SLC9A3: variants seen among roughly 807,000 people sequenced by gnomAD.
The protein encoded by SLC9A3 is sodium/hydrogen exchanger 3.
In SLC9A3, 37 loss-of-function variants were observed where a neutral mutation model predicts 86.8. The ratio of observed to expected loss-of-function variants is 0.43; its 90% CI spans 0.33 to 0.56. The LOEUF is 0.56. Among genes scored for constraint, SLC9A3 ranks in the 20% least tolerant of loss-of-function variants. The pLI is 0.06. For synonymous variants in SLC9A3, 581 were observed against 528.3 expected (o/e 1.10, Z -1.37); for missense variants, 1,011 against 1,171.9 (o/e 0.86, Z 2.00).
chr5:485,285 C>G, intron 3 of SLC9A3, 54 bp from the exon 4 acceptor site: 1 of 1,454,426 alleles, frequency 6.9e-7, no homozygotes, highest in Non-Finnish European at 9.7e-7. Context: ...GCCACCCCCT[C>G]TCCGGGGCCC....
intron 3 of SLC9A3, among the ~76,000 whole-genome samples, chr5:486,364 C>A (rs796318168): frequency 5.8e-4 from 88 of 152,354 alleles, no homozygotes; most frequent in African/African-American, 1.9e-3. Context: ...CCATGACTCA[C>A]TTCCGGGAGG....
intron 1 of SLC9A3, among the ~76,000 whole-genome samples, chr5:502,008 A>T (rs1560967630): frequency 6.6e-6 from 1 of 152,212 alleles, no homozygotes; most frequent in East Asian, 1.9e-4. Context: ...CAAGAACAAC[A>T]GCCCGTTCAG....
rs1443895257 is a variant in SLC9A3 at position 479,940 on chromosome 5, G to A, written c.1543C>T (p.Leu515Phe). The A allele has an allele frequency of 1.2e-6, 2 of 1,613,800 alleles. No individual in the cohort carries two copies. The highest frequency in any genetic ancestry group is 2.7e-5 in the African/African-American group (2 of 74,940). ...GACCGTCTCATGAGGACCCTGCTGA[G>A]GAACTTCCTGTCGAAGTGGGACCAC... The part of the protein sequence containing the change: ...DKWSHFDRKF[L>F]SRVLMRRSAQ... The change falls in exon 10 of 17, where the codon CTC becomes TTC. Residue 515 changes from leucine (L) to phenylalanine (F), a missense_variant. This residue lies in a region of SLC9A3 where 565 missense variants were observed against 790.0 expected (regional missense o/e 0.72). Coordinates refer to ENST00000264938, the MANE Select transcript of SLC9A3 (RefSeq NM_004174.4).
Position 497,783 on chromosome 5 carries a change from C to T in SLC9A3, c.212-5712G>A, listed in dbSNP as rs141941999. Among the ~76,000 whole-genome samples the T allele has an allele frequency of 0.02, 1,173 of 58,196 alleles. 6 individuals carry two copies. The highest frequency in any genetic ancestry group is 0.04 in the South Asian group (35 of 886). The allele number at this position is 58,196 out of a possible 152,430, so 38.2% of individuals were successfully genotyped here. A position where few individuals can be genotyped will look rare whatever the true frequency, so the allele number is the denominator to read the frequency against. On this transcript the variant is annotated intron_variant, in intron 1 of 16. Transcript: ENST00000264938. This position sits in a 1 kb window ranked among gnomAD's most constrained non-coding sequence, Gnocchi z 5.4. The stretch of plus-strand genomic sequence containing the variant: ...CCGGGTGGGGTCGCCCGGCCGCATC[C>T]CCAGCCTCTGCCCCTGTCCCGGGTG...
chr5:523,176 G>C (rs889023558), intron 1 of SLC9A3, among the ~76,000 whole-genome samples: 4 of 152,192 alleles, frequency 2.6e-5, no homozygotes, highest in Admixed American at 6.5e-5. Flanking sequence ...TGAAGGAAAA[G>C]GCGCCTTCTC....
intron 1 of SLC9A3, among the ~76,000 whole-genome samples, chr5:504,390 A>G (rs368628581): frequency 8.5e-5 from 13 of 152,316 alleles, no homozygotes; most frequent in African/African-American, 3.1e-4. Flanking sequence ...GCCAGGGCCC[A>G]GGGCGGTGGA....
chr5:507,359 G>A (rs7378626), intron 1 of SLC9A3, among the ~76,000 whole-genome samples: 125,015 of 146,132 alleles, frequency 0.86, 53,711 homozygotes, highest in African/African-American at 0.88. Context: ...AGTAGAGACG[G>A]GGTTTCACCG....
intron 3 of SLC9A3, 90 bp downstream of exon 3, chr5:488,226 C>G: frequency 1.4e-6 from 2 of 1,430,144 alleles, no homozygotes; most frequent in East Asian, 2.3e-5. Context: ...GGGTTTCACG[C>G]CCTCCTTTGC....
In SLC9A3 at chr5:492,053, T is replaced by A. The variant is rs1035048787; in HGVS notation, c.230A>T (p.Lys77Met). ...GCTCTCGGGAACCACGCTGGTGACC[T>A]TGTGGGACAGGTGGAACCCTGTGGG... Reference protein sequence around the residue: ...LAKIGFHLSHKVTSVVPESAL... With the variant: ...LAKIGFHLSHMVTSVVPESAL... Residue 77 changes from lysine (K) to methionine (M), a missense_variant, in exon 2 of 17, where the codon AAG becomes ATG. Around this residue, in one of 3 missense-constraint regions of SLC9A3, gnomAD observed 565 missense variants for 790.0 expected, o/e 0.72. Transcript: ENST00000264938. The A allele has an allele frequency of 2.0e-6, 3 of 1,499,636 alleles. No individual in the cohort carries two copies. The highest frequency in any genetic ancestry group is 2.7e-6 in the Non-Finnish European group (3 of 1,115,402). The allele number at this position is 1,499,636 out of a possible 1,614,324, so 92.9% of individuals were successfully genotyped here.
rs1739754769 is a variant in SLC9A3 at position 491,773 on chromosome 5, G to T, written c.510C>A (p.Leu170=). The T allele has an allele frequency of 3.2e-6, 5 of 1,541,538 alleles. No individual in the cohort carries two copies. The East Asian group carries it at 1.2e-4, about 37-fold the overall frequency. The change falls in exon 2 of 17, where the codon CTC becomes CTA. Residue 170 remains leucine (L), a synonymous_variant. Transcript: ENST00000264938. The surrounding 1 kb of genome is among the most constrained non-coding windows in gnomAD (Gnocchi z 9.2). Reference sequence around the variant, plus strand: ...GCAACAGTGGCGCAGACTCACCCATGAGCCCACTGAGGAAGACGCCGTAGA... The same window carrying T: ...GCAACAGTGGCGCAGACTCACCCATTAGCCCACTGAGGAAGACGCCGTAGA... ...LSLYGVFLSG[L]MGDLQIGLLD... is the part of the protein sequence containing the mutation.
Position 510,350 on chromosome 5 carries a change from G to A in SLC9A3, c.211+13762C>T, listed in dbSNP as rs574723518. ...GCCAGAACCCGTGGGACACACCCTC[G>A]AGAGCCGCCGGCAGCACGCTTGGTC... On this transcript the variant is annotated intron_variant, in intron 1 of 16. Coordinates refer to ENST00000264938, the MANE Select transcript of SLC9A3 (RefSeq NM_004174.4). 5.3e-5 allele frequency among the ~76,000 whole-genome samples: 8 copies of A among 152,338 alleles called. No homozygotes were observed. In the East Asian group the frequency reaches 1.2e-3, roughly 22 times the overall value.
At chr5:493,572 T>A (rs1380706199) in intron 1 of SLC9A3, among the ~76,000 whole-genome samples, 1 of 152,234 alleles carries the variant, frequency 6.6e-6, no homozygotes, top group African/African-American at 2.4e-5. Context: ...TTACACCAAA[T>A]ACCACGGGTG....
In SLC9A3 at chr5:491,662, C is replaced by G; in HGVS notation, c.514+107G>C. The G allele has an allele frequency of 9.5e-7, 1 of 1,050,248 alleles. No individual in the cohort carries two copies. The highest frequency in any genetic ancestry group is 1.3e-6 in the Non-Finnish European group (1 of 746,222). The allele number at this position is 1,050,248 out of a possible 1,614,324, so 65.1% of individuals were successfully genotyped here. A position where few individuals can be genotyped will look rare whatever the true frequency, so the allele number is the denominator to read the frequency against. On this transcript the variant is annotated intron_variant, in intron 2 of 16. Coordinates refer to ENST00000264938, the MANE Select transcript of SLC9A3 (RefSeq NM_004174.4). The surrounding 1 kb of genome is among the most constrained non-coding windows in gnomAD (Gnocchi z 9.2). ...GCCACGTTTCTCACCTGACACTTAC[C>G]GCCTGGAGGCCAGGGTGCGGCACCC...
At chr5:489,992 C>A (rs1480813600) in intron 2 of SLC9A3, among the ~76,000 whole-genome samples, 1 of 152,246 alleles carries the variant, frequency 6.6e-6, no homozygotes, top group African/African-American at 2.4e-5. Flanking sequence ...CGGGCCAGCA[C>A]TGCCATGTCG....
chr5:506,886 A>G (rs1457060796), intron 1 of SLC9A3, among the ~76,000 whole-genome samples: 1 of 31,896 alleles, frequency 3.1e-5, no homozygotes, highest in African/African-American at 1.0e-4. Flanking sequence ...GCCAATATGG[A>G]GAAACAAAAC....
rs746937048 is a variant in SLC9A3, at chr5:485,245, G to A, written c.676-14C>T. 2.1e-5 allele frequency: 33 copies of A among 1,575,640 alleles called. No individual in the cohort carries two copies. Among genetic ancestry groups the A allele is most frequent in the South Asian group, 3.5e-5 (3 of 86,034 alleles). ...ATTGTACAGAACCTGCAGGGAAAAC[G>A]GGCAGGGCGTTGGGTGGTCCTTGGT... On this transcript the variant is annotated splice_polypyrimidine_tract_variant and intron_variant, in intron 3 of 16. Transcript: ENST00000264938.
chr5:498,934 G>T (rs984993686), intron 1 of SLC9A3, among the ~76,000 whole-genome samples: 2 of 152,182 alleles, frequency 1.3e-5, no homozygotes, highest in African/African-American at 4.8e-5. Flanking sequence ...CAGCCAGGGT[G>T]GGGGGTCTCC....
chr5:476,205 C>T lies in SLC9A3; in HGVS notation c.2064G>A (p.Lys688=), dbSNP rs369159980. The T allele has an allele frequency of 6.2e-7, 1 of 1,613,578 alleles. No individual in the cohort carries two copies. The highest frequency in any genetic ancestry group is 1.3e-5 in the African/African-American group (1 of 74,922). The part of the protein sequence containing the change: ...AKLYKRERAQ[K]RRNSSIPNGK... ...CCTCCTGGTGACCCAGCCTTACCCG[C>T]TTCTGGGCACGCTCCCGCTTGTACA... The change falls in exon 13 of 17, where the codon AAG becomes AAA. Residue 688 remains lysine (K), a synonymous_variant. Transcript: ENST00000264938.
chr5:478,358 GC>G (rs1174832121), intron 10 of SLC9A3: 1 of 152,314 alleles, frequency 6.6e-6, no homozygotes, highest in Non-Finnish European at 1.5e-5. Context: ...CTCTGGGCGG[GC>G]ACAGGCGAGG....
Sources: gnomAD v4.1 joint callset for allele counts (sites outside exome capture counted in the v4.1 genomes callset) on GRCh38, gnomAD v4.1.1 for gene constraint, gnomAD v4.1.1 regional missense constraint, Gnocchi (gnomAD v3.1) non-coding constraint, MANE v1.5 for transcripts, NCBI Gene and HGNC (gene_info 2026-07-23, HGNC 2026-07-21) for gene names.